The following CHD9 variants were observed in gnomAD, a reference collection of about 807,000 sequenced individuals.
The protein encoded by CHD9 is ATP-dependent chromatin remodeler CHD9.
Under a neutral mutation model 316.1 loss-of-function variants are expected in CHD9, and 77 were observed. The observed-to-expected ratio is 0.24, with a 90% CI of 0.20 to 0.29. CHD9 has a LOEUF of 0.29. Among genes scored for constraint, CHD9 ranks in the 10% least tolerant of loss-of-function variants. The probability of loss-of-function intolerance (pLI) is 1.00; values close to 1 mark genes in which losing one functional copy is unlikely to be tolerated. For synonymous variants in CHD9, 1,129 were observed against 1,158.3 expected, an observed-to-expected ratio of 0.97 and a Z score of 0.51; for missense variants, 2,763 against 3,438.1, an observed-to-expected ratio of 0.80 and a Z score of 4.91.
At chr16:53,289,693 T>C (rs2054170321) in intron 27 of CHD9, among the ~76,000 whole-genome samples, 1 of 152,156 alleles carries the variant, frequency 6.6e-6, no homozygotes, top group Non-Finnish European at 1.5e-5. Context: ...AGGAATAGCA[T>C]ATAAAAGCAG....
At chr16:53,058,612 T>C (rs773707253) in intron 1 of CHD9, among the ~76,000 whole-genome samples, 8 of 152,126 alleles carry the variant, frequency 5.3e-5, no homozygotes, top group Admixed American at 1.3e-4. Flanking sequence ...GGAGAGAGGC[T>C]GGGGCCAGGC....
intron 13 of CHD9, among the ~76,000 whole-genome samples, chr16:53,244,383 G>A (rs1435149649): frequency 6.6e-6 from 1 of 151,702 alleles, no homozygotes; most frequent in Non-Finnish European, 1.5e-5. Context: ...TAGTAGAGAT[G>A]GGGTTTCTCC....
intron 23 of CHD9, 75 bp from the exon 24 acceptor site, chr16:53,274,138 A>T: frequency 1.1e-6 from 1 of 888,630 alleles, no homozygotes; most frequent in South Asian, 1.5e-5. Flanking sequence ...ATTCCTTCCT[A>T]ATTTTAACCC....
chr16:53,136,981 CT>C (rs1007356085), intron 1 of CHD9, among the ~76,000 whole-genome samples: 50 of 146,036 alleles, frequency 3.4e-4, no homozygotes, highest in Admixed American at 3.4e-4. Context: ...CTGTGTTTTT[CT>C]TTTTTTTTTT....
At chr16:53,115,759 T>C (rs1026326828) in intron 1 of CHD9, among the ~76,000 whole-genome samples, 1 of 152,236 alleles carries the variant, frequency 6.6e-6, no homozygotes, top group Admixed American at 6.5e-5. Flanking sequence ...AGATGCTTTC[T>C]TTTTTAGTGG....
chr16:53,181,144 G>T (rs1011444201), intron 2 of CHD9, among the ~76,000 whole-genome samples: 1 of 151,826 alleles, frequency 6.6e-6, no homozygotes, highest in Non-Finnish European at 1.5e-5. Context: ...CCGAGTAGCT[G>T]GGATTACAGG....
intron 2 of CHD9, among the ~76,000 whole-genome samples, chr16:53,185,324 T>C (rs933363461): frequency 1.3e-5 from 2 of 152,180 alleles, no homozygotes; most frequent in Admixed American, 6.5e-5. Context: ...TGTTGGGAAC[T>C]GGAGTAAAGG....
intron 4 of CHD9, 39 bp downstream of exon 4, chr16:53,222,794 A>G: frequency 1.1e-6 from 1 of 936,814 alleles, no homozygotes. Context: ...AAACACTGTT[A>G]GAATGATTTA....
chr16:53,209,366 A>G (rs1037730982), intron 2 of CHD9, 116 bp from the exon 3 acceptor site: 2 of 725,486 alleles, frequency 2.8e-6, no homozygotes, highest in African/African-American at 1.8e-5. Context: ...TAGCACTCAC[A>G]TATTTGCTAA....
chr16:53,285,763 GTTCATTGATTTCCACTTACAGC>G, intron 25 of CHD9, 64 bp downstream of exon 25: 5 of 832,254 alleles, frequency 6.0e-6, no homozygotes, highest in Non-Finnish European at 9.6e-6. Context: ...TCAGTTCTCA[GTTCATTGATTTCCACTTACAGC>G]TTTATTCCAG....
intron 1 of CHD9, chr16:53,131,287 C>T (rs1488431094): frequency 6.8e-6 from 1 of 146,610 alleles, no homozygotes; most frequent in African/African-American, 2.6e-5. Flanking sequence ...GCGCGAGAGT[C>T]AGCGAGCGGC....
intron 3 of CHD9, among the ~76,000 whole-genome samples, chr16:53,215,351 T>C: frequency 6.6e-6 from 1 of 152,328 alleles, no homozygotes; most frequent in African/African-American, 2.4e-5. Context: ...AAAAAGGATG[T>C]CCAACTTTAA....
chr16:53,083,058 T>C (rs1476160937), intron 1 of CHD9, among the ~76,000 whole-genome samples: 3 of 152,202 alleles, frequency 2.0e-5, no homozygotes, highest in African/African-American at 7.2e-5. Context: ...AAGAGGATAT[T>C]CTACAAATAG....
intron 1 of CHD9, among the ~76,000 whole-genome samples, chr16:53,130,598 C>A (rs1476903679): frequency 2.0e-5 from 3 of 150,578 alleles, no homozygotes; most frequent in African/African-American, 7.3e-5. Flanking sequence ...GGCCAGAGGG[C>A]GCCCGGCCCC....
chr16:53,249,497 A>C (rs1266736633), intron 16 of CHD9, among the ~76,000 whole-genome samples: 1 of 152,222 alleles, frequency 6.6e-6, no homozygotes, highest in Non-Finnish European at 1.5e-5. Context: ...GACAAAAGAA[A>C]CATTCATAGC....
At chr16:53,164,228 A>G (rs1254664989) in intron 2 of CHD9, among the ~76,000 whole-genome samples, 1 of 152,188 alleles carries the variant, frequency 6.6e-6, no homozygotes, top group Non-Finnish European at 1.5e-5. Flanking sequence ...TATATTCACA[A>G]TCGTTTATCT....
chr16:53,308,965 T>G (rs1406867815), intron 34 of CHD9, 111 bp downstream of exon 34: 2 of 789,664 alleles, frequency 2.5e-6, no homozygotes, highest in African/African-American at 3.5e-5. Context: ...TGGAACCTCT[T>G]AAGCCTATAA....
intron 34 of CHD9, among the ~76,000 whole-genome samples, chr16:53,309,798 T>C (rs1391367057): frequency 6.6e-6 from 1 of 152,064 alleles, no homozygotes; most frequent in Non-Finnish European, 1.5e-5. Flanking sequence ...CTTTAATTTA[T>C]CTGTGTTCCT....
chr16:53,245,943 A>T lies in CHD9; in HGVS notation c.3454+93A>T, dbSNP rs1238955141. ...ACACACTACAGCTGTAGTGGCTGTTATGACTCTCCACTGTGATATTCTAAG... is the reference window on the plus strand; with the variant it reads ...ACACACTACAGCTGTAGTGGCTGTTTTGACTCTCCACTGTGATATTCTAAG... On this transcript the variant is annotated intron_variant, in intron 15 of 38. Transcript: ENST00000447540. This position sits in a 1 kb window ranked among gnomAD's most constrained non-coding sequence, Gnocchi z 4.1. The T allele has an allele frequency of 4.7e-6, 4 of 858,680 alleles. No homozygotes were observed. The highest frequency in any genetic ancestry group is 1.7e-5 in the African/African-American group (1 of 57,366). 53.2% of individuals were successfully genotyped at this position (858,680 alleles called of 1,614,324 possible).
Sources: allele counts gnomAD v4.1 joint callset (sites outside exome capture counted in the v4.1 genomes callset), GRCh38; gene constraint gnomAD v4.1.1; non-coding constraint Gnocchi (gnomAD v3.1); transcripts MANE v1.5; gene names NCBI Gene and HGNC (gene_info 2026-07-23, HGNC 2026-07-21).